TIMP3: variants seen among roughly 807,000 people sequenced by gnomAD.
TIMP3 encodes metalloproteinase inhibitor 3.
TIMP3 carries 11 observed loss-of-function variants against 30.0 expected under a neutral mutation model. The observed-to-expected ratio is 0.37, with a 90% confidence interval of 0.23 to 0.61. The LOEUF is 0.61. TIMP3 is among the 20% of genes least tolerant of loss of function. TIMP3 has a pLI of 0.70. For missense variants in TIMP3, 181 were observed against 276.8 expected (o/e 0.65, Z 2.45); for synonymous variants, 112 against 111.3 (o/e 1.01, Z -0.04).
intron 1 of TIMP3, among the ~76,000 whole-genome samples, chr22:32,812,049 TTCA>T (rs1204644460): frequency 6.6e-6 from 1 of 152,180 alleles, no homozygotes; most frequent in Non-Finnish European, 1.5e-5. Context: ...CTAGTCCTAG[TTCA>T]TCATCTGACT....
rs1362705615 is a variant in TIMP3, at chr22:32,860,514, A to G, written c.*1137A>G. On this transcript the variant is annotated 3_prime_UTR_variant, in exon 5 of 5. Transcript: ENST00000266085. ...TGTCGTTGCTTGTTTGAAGAAAATC[A>G]TGACATTCCAAGTTGACATTTTTTT... is the stretch of plus-strand genomic sequence containing the variant. 1 of 152,652 alleles carries G rather than the reference A, an allele frequency of 6.6e-6. No individual in the cohort carries two copies. The highest frequency in any genetic ancestry group is 1.5e-5 in the Non-Finnish European group (1 of 68,044). 9.5% of individuals were successfully genotyped at this position (152,652 alleles called of 1,614,324 possible). A position where few individuals can be genotyped will look rare whatever the true frequency, so the allele number is the denominator to read the frequency against.
chr22:32,825,193 T>G (rs2047366340), intron 1 of TIMP3, among the ~76,000 whole-genome samples: 1 of 152,092 alleles, frequency 6.6e-6, no homozygotes, highest in Non-Finnish European at 1.5e-5. Flanking sequence ...AGAAACTGTG[T>G]CTAGGGCTTC....
chr22:32,830,766 C>T (rs962016171), intron 1 of TIMP3, among the ~76,000 whole-genome samples: 4 of 152,100 alleles, frequency 2.6e-5, no homozygotes, highest in Non-Finnish European at 4.4e-5. Flanking sequence ...TCACATGGAC[C>T]GTGAGTGTAT....
chr22:32,856,775 C>T (rs953889070), intron 2 of TIMP3, among the ~76,000 whole-genome samples: 1 of 152,144 alleles, frequency 6.6e-6, no homozygotes, highest in African/African-American at 2.4e-5. Context: ...TCTGCGTACT[C>T]GTATTTTTGT....
chr22:32,814,227 GA>G lies in TIMP3; in HGVS notation c.121+12114del, dbSNP rs1246463192. 1.5e-3 allele frequency among the ~76,000 whole-genome samples: 188 copies of G among 123,078 alleles called. 2 individuals are homozygous for G. The highest frequency in any genetic ancestry group is 9.6e-3 in the East Asian group (40 of 4,156). 80.7% of individuals were successfully genotyped at this position (123,078 alleles called of 152,430 possible). ...AAAGAAAACAAAGAAAGGAAAGAAA[GA>G]AAAAAAAAGAAAGAAAGAAGGAAAG... On this transcript the variant is annotated intron_variant, in intron 1 of 4. Coordinates refer to ENST00000266085, the MANE Select transcript of TIMP3 (RefSeq NM_000362.5).
intron 1 of TIMP3, among the ~76,000 whole-genome samples, chr22:32,812,185 T>C (rs1249411867): frequency 6.6e-6 from 1 of 152,200 alleles, no homozygotes; most frequent in Non-Finnish European, 1.5e-5. Flanking sequence ...TTTTTCTGGC[T>C]CTAAGTTCCC....
At chr22:32,813,366 G>A (rs2046964281) in intron 1 of TIMP3, among the ~76,000 whole-genome samples, 1 of 152,100 alleles carries the variant, frequency 6.6e-6, no homozygotes, top group African/African-American at 2.4e-5. Flanking sequence ...GGTCCCTTCT[G>A]GAGGGGACAG....
At chr22:32,819,824 A>G (rs1235189655) in intron 1 of TIMP3, among the ~76,000 whole-genome samples, 1 of 152,234 alleles carries the variant, frequency 6.6e-6, no homozygotes, top group Non-Finnish European at 1.5e-5. Flanking sequence ...CTATCTGTCC[A>G]TAACTTGCTA....
At chr22:32,811,957 C>T (rs1047482359) in intron 1 of TIMP3, among the ~76,000 whole-genome samples, 1 of 152,120 alleles carries the variant, frequency 6.6e-6, no homozygotes, top group Non-Finnish European at 1.5e-5. Flanking sequence ...AGTCAGCAAC[C>T]GCTCCCCTAT....
At chr22:32,806,611 T>C (rs1488974582) in intron 1 of TIMP3, among the ~76,000 whole-genome samples, 1 of 152,220 alleles carries the variant, frequency 6.6e-6, no homozygotes, top group Non-Finnish European at 1.5e-5. Flanking sequence ...CCTAGGCACA[T>C]ATGGGCTACC....
At chr22:32,834,987 A>G (rs751385806) in intron 1 of TIMP3, among the ~76,000 whole-genome samples, 1 of 152,202 alleles carries the variant, frequency 6.6e-6, no homozygotes, top group Non-Finnish European at 1.5e-5. Flanking sequence ...GTCCTCAGCC[A>G]TGTGACCTCC....
chr22:32,848,769 G>A (rs1012002060), intron 1 of TIMP3, among the ~76,000 whole-genome samples: 23 of 152,156 alleles, frequency 1.5e-4, no homozygotes, highest in Admixed American at 1.2e-3. Flanking sequence ...GCATACAGTC[G>A]CAATAGCCAT....
At chr22:32,848,657 T>C (rs1382414261) in intron 1 of TIMP3, among the ~76,000 whole-genome samples, 1 of 152,138 alleles carries the variant, frequency 6.6e-6, no homozygotes, top group Non-Finnish European at 1.5e-5. Context: ...GTATCAAGAG[T>C]TTCACATTTG....
chr22:32,843,238 C>A (rs932540655), intron 1 of TIMP3, among the ~76,000 whole-genome samples: 1 of 152,220 alleles, frequency 6.6e-6, no homozygotes, highest in African/African-American at 2.4e-5. Flanking sequence ...CGTTGCTTGG[C>A]ACCTAAGAGG....
chr22:32,823,927 G>A (rs1300193511), intron 1 of TIMP3, among the ~76,000 whole-genome samples: 2 of 152,130 alleles, frequency 1.3e-5, no homozygotes, highest in African/African-American at 4.8e-5. Context: ...TAAGGGTCAT[G>A]GAGTGACATC....
chr22:32,824,465 G>A (rs188297483), intron 1 of TIMP3, among the ~76,000 whole-genome samples: 99 of 152,004 alleles, frequency 6.5e-4, no homozygotes, highest in Middle Eastern at 6.8e-3. Context: ...ATAGGGACTG[G>A]CACCACCAGA....
intron 1 of TIMP3, among the ~76,000 whole-genome samples, chr22:32,833,504 G>A (rs942130422): frequency 6.6e-5 from 10 of 152,156 alleles, no homozygotes; most frequent in African/African-American, 2.4e-4. Flanking sequence ...TTTAACCTTG[G>A]GATGGGACTG....
At chr22:32,802,255 GA>G in intron 1 of TIMP3, 133 bp downstream of exon 1, 1 of 1,331,832 alleles carries the variant, frequency 7.5e-7, no homozygotes, top group South Asian at 1.5e-5. Flanking sequence ...GCGGAGTGGA[GA>G]AACTCGATGT....
intron 2 of TIMP3, among the ~76,000 whole-genome samples, 187 bp from the exon 3 acceptor site, chr22:32,857,057 CTGTTG>C (rs2048389237): frequency 6.6e-6 from 1 of 152,178 alleles, no homozygotes; most frequent in Non-Finnish European, 1.5e-5. Flanking sequence ...ATCCATTCAT[CTGTTG>C]ATGGGCACTT....
Sources: gnomAD v4.1 joint callset for allele counts (sites outside exome capture counted in the v4.1 genomes callset) on GRCh38, gnomAD v4.1.1 for gene constraint, MANE v1.5 for transcripts, NCBI Gene and HGNC (gene_info 2026-07-23, HGNC 2026-07-21) for gene names.